Variants in PLEKHG1 observed in about 807,000 individuals in gnomAD.
The protein encoded by PLEKHG1 is pleckstrin homology and RhoGEF domain containing G1.
Under a neutral mutation model 100.8 loss-of-function variants are expected in PLEKHG1, and 44 were observed. That is an observed-to-expected ratio of 0.44 (90% CI 0.34 to 0.56). The LOEUF is 0.56. Ranked by LOEUF, PLEKHG1 falls within the 20% of genes least tolerant of loss-of-function variation. The pLI is 0.01. For synonymous variants in PLEKHG1, 640 were observed against 662.5 expected (o/e 0.97, Z 0.52); for missense variants, 1,545 against 1,720.9 (o/e 0.90, Z 1.81).
chr6:150,810,535 A>C (rs550077156), intron 10 of PLEKHG1, among the ~76,000 whole-genome samples: 1 of 127,422 alleles, frequency 7.8e-6, no homozygotes, highest in Non-Finnish European at 1.8e-5. Flanking sequence ...AGAAAGAAAG[A>C]AAGGAAGAAA....
chr6:150,667,066 T>C lies in PLEKHG1; in HGVS notation c.-99+16280T>C, dbSNP rs562577660. On this transcript the variant is annotated intron_variant, in intron 3 of 3. Transcript: ENST00000367326. ...AGCCACTGCGCCCAGCCTGATAAGA[T>C]TTTTAAATTTTCTCCAAAAGGGGGT... Among the ~76,000 whole-genome samples the C allele has an allele frequency of 4.5e-4, 68 of 152,178 alleles. No individual in the cohort carries two copies. In the South Asian group the frequency reaches 0.014, roughly 31 times the overall value.
intron 10 of PLEKHG1, among the ~76,000 whole-genome samples, chr6:150,815,017 C>G (rs1036398207): frequency 2.6e-5 from 4 of 152,202 alleles, no homozygotes. Flanking sequence ...CCACCACACC[C>G]AGCCTCAAAC....
At chr6:150,653,562 G>T (rs1778838039) in intron 3 of PLEKHG1, among the ~76,000 whole-genome samples, 1 of 152,084 alleles carries the variant, frequency 6.6e-6, no homozygotes, top group African/African-American at 2.4e-5. Context: ...GGGCAATATG[G>T]CAACACGGTG....
chr6:150,753,070 G>A (rs922152473), intron 2 of PLEKHG1, among the ~76,000 whole-genome samples: 8 of 152,156 alleles, frequency 5.3e-5, no homozygotes, highest in Admixed American at 5.2e-4. Context: ...CTGTGATTAT[G>A]TCACTGCACT....
At chr6:150,827,756 G>A in intron 14 of PLEKHG1, 1 of 1,408,658 alleles carries the variant, frequency 7.1e-7, no homozygotes, top group Non-Finnish European at 1.0e-6. Context: ...AATTGGAAGA[G>A]GAGGCAGAAG....
At chr6:150,603,008 G>T (rs1369708030) in intron 1 of PLEKHG1, among the ~76,000 whole-genome samples, 3 of 149,888 alleles carry the variant, frequency 2.0e-5, no homozygotes, top group African/African-American at 4.9e-5. Flanking sequence ...GTGAACCCCG[G>T]GGGGCGGAGC....
chr6:150,713,983 G>A lies in PLEKHG1; in HGVS notation c.-98-19601G>A, dbSNP rs114797124. Among the ~76,000 whole-genome samples, 884 of 152,328 alleles carry A rather than the reference G, an allele frequency of 5.8e-3. 8 individuals are homozygous for A. Among genetic ancestry groups the A allele is most frequent in the African/African-American group, 0.02 (850 of 41,570 alleles). ...TTTTAATTGGTATTTTGGAAAATAC[G>A]TACTGCTGTAAGATTTCAACAGAGC... On this transcript the variant is annotated intron_variant, in intron 3 of 3. Transcript: ENST00000367326.
chr6:150,698,200 A>G lies in PLEKHG1; in HGVS notation c.-98-35384A>G, dbSNP rs1024856635. ...ATTCATGTAGCCTGAAGGTAATTTT[A>G]TACATATTTTAAATTTGTGCATGAA... On this transcript the variant is annotated intron_variant, in intron 3 of 3. Coordinates refer to the PLEKHG1 transcript ENST00000367326. 3.3e-5 allele frequency among the ~76,000 whole-genome samples: 5 copies of G among 152,184 alleles called. No homozygotes were observed. In the East Asian group the frequency reaches 7.7e-4, roughly 23 times the overall value.
chr6:150,749,009 T>C (rs1217694701), intron 2 of PLEKHG1, among the ~76,000 whole-genome samples: 2 of 152,114 alleles, frequency 1.3e-5, no homozygotes, highest in Non-Finnish European at 2.9e-5. Flanking sequence ...TAAAATGGTA[T>C]GAGGATTCAG....
chr6:150,771,511 G>A (rs1254430575), intron 3 of PLEKHG1, among the ~76,000 whole-genome samples: 1 of 151,960 alleles, frequency 6.6e-6, no homozygotes, highest in Non-Finnish European at 1.5e-5. Flanking sequence ...AGATGACTGA[G>A]ATTTACATTC....
upstream of PLEKHG1, among the ~76,000 whole-genome samples, chr6:150,718,091 A>G (rs920867773): frequency 2.0e-5 from 3 of 152,194 alleles, no homozygotes; most frequent in Admixed American, 2.0e-4. Flanking sequence ...AAATAAATTA[A>G]TTAGATAAAA....
At chr6:150,825,913 T>A (rs1776571078) in intron 14 of PLEKHG1, among the ~76,000 whole-genome samples, 1 of 152,224 alleles carries the variant, frequency 6.6e-6, no homozygotes, top group Non-Finnish European at 1.5e-5. Context: ...GCATGGTGGC[T>A]CACGCCTGTA....
intron 3 of PLEKHG1, among the ~76,000 whole-genome samples, chr6:150,691,213 C>T (rs1780339723): frequency 6.6e-6 from 1 of 152,114 alleles, no homozygotes; most frequent in African/African-American, 2.4e-5. Context: ...GTTCTAATTC[C>T]CTTTTATTTC....
At chr6:150,628,098 A>G (rs187741074) in intron 1 of PLEKHG1, among the ~76,000 whole-genome samples, 1 of 152,360 alleles carries the variant, frequency 6.6e-6, no homozygotes, top group East Asian at 1.9e-4. Context: ...TTATTCTTAT[A>G]TCTGGCATAT....
At chr6:150,675,578 C>T (rs553867577) in intron 3 of PLEKHG1, among the ~76,000 whole-genome samples, 21 of 152,194 alleles carry the variant, frequency 1.4e-4, no homozygotes, top group Non-Finnish European at 2.6e-4. Context: ...AATGATAAAA[C>T]TTATTTTTGT....
At chr6:150,837,245 G>A (rs1165231878) in intron 15 of PLEKHG1, among the ~76,000 whole-genome samples, 1 of 152,218 alleles carries the variant, frequency 6.6e-6, no homozygotes, top group African/African-American at 2.4e-5. Flanking sequence ...CTGCATGTGT[G>A]TGTGTGTGCA....
rs150103718 is a variant in PLEKHG1, at chr6:150,615,168, T to C, written c.-204+15151T>C. On this transcript the variant is annotated intron_variant, in intron 1 of 3. Transcript: ENST00000367326. The stretch of plus-strand genomic sequence containing the variant: ...TTGTTTTTCCTCTCTGGCATTCATC[T>C]GATGCTTAGAAATGCCTTTGCGACT... Among the ~76,000 whole-genome samples, 27 of 152,342 alleles carry C rather than the reference T, an allele frequency of 1.8e-4. No homozygotes were observed. In the East Asian group the frequency reaches 4.8e-3, roughly 27 times the overall value.
chr6:150,764,117 C>CTTTTTTTTTT, intron 2 of PLEKHG1, among the ~76,000 whole-genome samples: 2 of 145,774 alleles, frequency 1.4e-5, no homozygotes, highest in East Asian at 2.0e-4. Flanking sequence ...TTTTCTTTTT[C>CTTTTTTTTTT]TTTTTCTTTT....
At chr6:150,785,767 G>A (rs1785589674) in intron 3 of PLEKHG1, among the ~76,000 whole-genome samples, 1 of 152,106 alleles carries the variant, frequency 6.6e-6, no homozygotes, top group African/African-American at 2.4e-5. Flanking sequence ...GGTCTGCAGA[G>A]CAGGAGGTGA....
Sources: gnomAD v4.1 joint callset for allele counts (sites outside exome capture counted in the v4.1 genomes callset) on GRCh38, gnomAD v4.1.1 for gene constraint, MANE v1.5 for transcripts, NCBI Gene and HGNC (gene_info 2026-07-23, HGNC 2026-07-21) for gene names.